Variants in GIT2 observed in about 807,000 individuals in gnomAD.
GIT2 encodes the protein GIT ArfGAP 2, also known as ARF GTPase-activating protein GIT2.
A neutral mutation model predicts 100.3 loss-of-function variants in GIT2; 32 were observed. That is an observed-to-expected ratio of 0.32 (90% CI 0.24 to 0.43). The LOEUF (loss-of-function observed/expected upper bound fraction) is 0.43, where lower values mean the gene tolerates loss of function less well. Among genes scored for constraint, GIT2 ranks in the 20% least tolerant of loss-of-function variants. The pLI is 1.00. For missense variants in GIT2, 737 were observed against 975.1 expected, an observed-to-expected ratio of 0.76 and a Z score of 3.25; for synonymous variants, 353 against 364.1, an observed-to-expected ratio of 0.97 and a Z score of 0.35.
At chr12:109,966,860 T>G (rs1593061695) in intron 8 of GIT2, among the ~76,000 whole-genome samples, 1 of 152,236 alleles carries the variant, frequency 6.6e-6, no homozygotes, top group East Asian at 1.9e-4. Context: ...AATTATGGCC[T>G]TCTTTTTGTT....
chr12:109,996,337 C>T lies in GIT2; in HGVS notation c.-113G>A, dbSNP rs568436087. 9 of 694,240 alleles carry T rather than the reference C, an allele frequency of 1.3e-5. No individual in the cohort carries two copies. The African/African-American group carries it at 1.5e-4, about 12-fold the overall frequency. 43.0% of individuals were successfully genotyped at this position (694,240 alleles called of 1,614,324 possible). ...AGCTGCGGCGGCGCTGACGGCGGCG[C>T]CTCTCCCCTCAGCGCCTTGCAGCCT... is the stretch of plus-strand genomic sequence containing the variant. On this transcript the variant is annotated 5_prime_UTR_variant, in exon 1 of 20. Transcript: ENST00000355312.
chr12:109,996,400 G>T (rs1030398785), upstream of GIT2: 1 of 540,274 alleles, frequency 1.9e-6, no homozygotes. Context: ...GCCCTTCGGC[G>T]AGTGTCAGGT....
intron 18 of GIT2, among the ~76,000 whole-genome samples, chr12:109,936,044 G>C (rs1047359901): frequency 1.3e-5 from 2 of 152,196 alleles, no homozygotes; most frequent in Admixed American, 6.5e-5. Flanking sequence ...CTTCAGGAAG[G>C]TCAGGGGCTG....
intron 6 of GIT2, 132 bp from the exon 7 acceptor site, chr12:109,981,178 T>C (rs1461529324): frequency 1.8e-5 from 12 of 682,084 alleles, no homozygotes; most frequent in Non-Finnish European, 2.9e-5. Flanking sequence ...AACCTTCTTG[T>C]GGTAGGTAGA....
At chr12:109,971,556 T>C (rs1007174869) in intron 7 of GIT2, among the ~76,000 whole-genome samples, 4 of 151,594 alleles carry the variant, frequency 2.6e-5, no homozygotes, top group African/African-American at 9.7e-5. Context: ...GAACTCGACC[T>C]CAGGTGACCC....
upstream of GIT2, chr12:109,997,807 A>G (rs1171762253): frequency 6.6e-6 from 1 of 152,242 alleles, no homozygotes; most frequent in African/African-American, 2.4e-5. Context: ...GAGAATAACA[A>G]TAGCTAACAT....
At chr12:109,976,892 A>G (rs550034168) in intron 7 of GIT2, among the ~76,000 whole-genome samples, 3 of 152,256 alleles carry the variant, frequency 2.0e-5, no homozygotes, top group Admixed American at 6.5e-5. Flanking sequence ...CCTGGCTGAC[A>G]ATGTTACAGC....
chr12:109,952,820 A>G (rs1315144728), intron 13 of GIT2: 2 of 522,620 alleles, frequency 3.8e-6, no homozygotes, highest in South Asian at 4.1e-5. Flanking sequence ...ACGAGGCCTC[A>G]TTCAGGAGAG....
At chr12:109,935,674 G>A (rs12299347) in intron 18 of GIT2, among the ~76,000 whole-genome samples, 12,312 of 152,286 alleles carry the variant, frequency 0.081, 532 homozygotes, top group Middle Eastern at 0.13. Flanking sequence ...GGGATTACAG[G>A]CGTGAGCCAC....
rs1221027433 is a variant in GIT2, at chr12:109,965,531, G to C, written c.811C>G (p.Gln271Glu). ...ELAKAAKKKL[Q>E]SLSNHLFEEL... ...CAGTACAGAGAAATACTCACAGATTGAAGTTTCTTCTTAGCAGCTTTTGCC... is the reference window on the plus strand; with the variant it reads ...CAGTACAGAGAAATACTCACAGATTCAAGTTTCTTCTTAGCAGCTTTTGCC... The change falls in exon 9 of 20, where the codon CAA becomes GAA. Residue 271 changes from glutamine to glutamate, a missense_variant. Physicochemically the swap from Gln to Glu is conservative, Grantham distance 29 (BLOSUM62 2). Coordinates refer to ENST00000355312, the MANE Select transcript of GIT2 (RefSeq NM_057169.5). 6.3e-7 allele frequency: 1 copy of C among 1,582,818 alleles called. No homozygotes were observed. The highest frequency in any genetic ancestry group is 8.7e-7 in the Non-Finnish European group (1 of 1,153,764).
chr12:109,939,224 G>GTTC lies in GIT2; in HGVS notation c.1752_1754dup (p.Gln584_Asn585insLys). On this transcript the variant is annotated inframe_insertion, in exon 17 of 20. Transcript: ENST00000355312. Reference sequence around the variant, plus strand: ...TGTCGTAGTCACTCTCAGGTGTGCTGTTCTGCTTCTCCAGCCTGGATGCCT... The same window carrying GTTC: ...TGTCGTAGTCACTCTCAGGTGTGCTGTTCTTCTGCTTCTCCAGCCTGGATGCCT... The GTTC allele has an allele frequency of 6.2e-7, 1 of 1,608,306 alleles. No individual in the cohort carries two copies. The highest frequency in any genetic ancestry group is 8.5e-7 in the Non-Finnish European group (1 of 1,174,934).
At chr12:109,998,682 A>T (rs1889763163), upstream of GIT2, 1 of 152,238 alleles carries the variant, frequency 6.6e-6, no homozygotes, top group African/African-American at 2.4e-5. Context: ...ACATTCATAC[A>T]TGGACTAAAT....
At chr12:109,982,806 AT>A (rs879469287) in intron 6 of GIT2, 25 of 145,652 alleles carry the variant, frequency 1.7e-4, no homozygotes, top group Non-Finnish European at 2.1e-4. Context: ...TGCCCAGCCA[AT>A]TTTTTTTTTT....
rs752117964 is a variant in GIT2, at chr12:109,962,922, C to T, written c.817-1237G>A. On this transcript the variant is annotated intron_variant, in intron 9 of 19. Transcript: ENST00000355312. This position sits in a 1 kb window ranked among gnomAD's most constrained non-coding sequence, Gnocchi z 4.3. Reference sequence around the variant, plus strand: ...GAGGCAGAGGCAGGAAGATCACTCACTTGAGCCTGGGAGTTCAAGGCTGCA... The same window carrying T: ...GAGGCAGAGGCAGGAAGATCACTCATTTGAGCCTGGGAGTTCAAGGCTGCA... Among the ~76,000 whole-genome samples, 54 of 152,272 alleles carry T rather than the reference C, an allele frequency of 3.5e-4. No homozygotes were observed. The highest frequency in any genetic ancestry group is 1.0e-3 in the Admixed American group (16 of 15,288).
Position 109,948,973 on chromosome 12 carries a change from A to G in GIT2, c.1393-1469T>C, listed in dbSNP as rs549125311. The G allele has an allele frequency of 2.8e-4, 183 of 643,004 alleles. 2 individuals carry two copies. The South Asian group carries it at 3.2e-3, about 11-fold the overall frequency. 39.8% of individuals were successfully genotyped at this position (643,004 alleles called of 1,614,324 possible). A position where few individuals can be genotyped will look rare whatever the true frequency, so the allele number is the denominator to read the frequency against. Reference sequence around the variant, plus strand: ...TAAATAAACAAATTCCATATACTTTATATTAATCATGCCAAACTGCTGTGA... The same window carrying G: ...TAAATAAACAAATTCCATATACTTTGTATTAATCATGCCAAACTGCTGTGA... On this transcript the variant is annotated intron_variant, in intron 14 of 19. Coordinates refer to ENST00000355312, the MANE Select transcript of GIT2 (RefSeq NM_057169.5). The surrounding 1 kb of genome is among the most constrained non-coding windows in gnomAD (Gnocchi z 4.3).
At chr12:109,964,758 T>C (rs1325762776) in intron 9 of GIT2, among the ~76,000 whole-genome samples, 1 of 151,774 alleles carries the variant, frequency 6.6e-6, no homozygotes, top group African/African-American at 2.4e-5. Flanking sequence ...AAGTTAAGAA[T>C]CTTGGTTCTG....
At chr12:109,987,660 G>A (rs1887654175) in intron 4 of GIT2, among the ~76,000 whole-genome samples, 1 of 151,822 alleles carries the variant, frequency 6.6e-6, no homozygotes, top group African/African-American at 2.4e-5. Flanking sequence ...TAGAGACGGG[G>A]TTTCGCCATG....
In GIT2 at chr12:109,983,711, C is replaced by CA; in HGVS notation, c.406-18dup. ...ATGGAGTTGCTGAAAAACGCAGAAA[C>CA]AAAAAAGGAATCGTGGTTAGAGGTG... On this transcript the variant is annotated splice_polypyrimidine_tract_variant and intron_variant, in intron 4 of 19. Transcript: ENST00000355312. 3 of 1,569,584 alleles carry CA rather than the reference C, an allele frequency of 1.9e-6. No individual in the cohort carries two copies. The highest frequency in any genetic ancestry group is 2.6e-6 in the Non-Finnish European group (3 of 1,143,992).
intron 3 of GIT2, 93 bp from the exon 4 acceptor site, chr12:109,989,161 TC>T: frequency 2.5e-6 from 2 of 786,602 alleles, no homozygotes; most frequent in Non-Finnish European, 2.3e-6. Flanking sequence ...GTGACCCACA[TC>T]CCCCACTTGA....
Sources: allele counts gnomAD v4.1 joint callset (sites outside exome capture counted in the v4.1 genomes callset), GRCh38; gene constraint gnomAD v4.1.1; non-coding constraint Gnocchi (gnomAD v3.1); transcripts MANE v1.5; gene names NCBI Gene and HGNC (gene_info 2026-07-23, HGNC 2026-07-21).